SH3BP4: variants seen among roughly 807,000 people sequenced by gnomAD.
SH3BP4 encodes the protein SH3 domain binding protein 4.
A neutral mutation model predicts 65.5 loss-of-function variants in SH3BP4; 33 were observed. The ratio of observed to expected loss-of-function variants is 0.50; its 90% CI spans 0.38 to 0.67. The LOEUF (loss-of-function observed/expected upper bound fraction) is 0.67, where lower values mean the gene tolerates loss of function less well. Ranked by LOEUF, SH3BP4 falls within the 30% of genes least tolerant of loss-of-function variation. SH3BP4 has a pLI of 0.00. For missense variants in SH3BP4, 1,134 were observed against 1,261.4 expected (o/e 0.90, Z 1.53); for synonymous variants, 552 against 545.5 (o/e 1.01, Z -0.17).
intron 1 of SH3BP4, among the ~76,000 whole-genome samples, chr2:234,957,920 G>C (rs1275863537): frequency 6.6e-6 from 1 of 152,146 alleles, no homozygotes; most frequent in African/African-American, 2.4e-5. Flanking sequence ...GCTAGGAGAG[G>C]CAGGCGGAGC....
intron 2 of SH3BP4, among the ~76,000 whole-genome samples, chr2:235,006,166 C>T (rs1468223475): frequency 4.6e-5 from 7 of 152,174 alleles, no homozygotes; most frequent in African/African-American, 1.4e-4. Context: ...TACGACCTAG[C>T]GAGCAGGACG....
At chr2:234,960,401 G>C (rs1692679490) in intron 1 of SH3BP4, among the ~76,000 whole-genome samples, 1 of 152,202 alleles carries the variant, frequency 6.6e-6, no homozygotes, top group African/African-American at 2.4e-5. Flanking sequence ...AGCAGCCATT[G>C]GTTCTCTCCT....
rs1316635176 is a variant in SH3BP4 at position 235,030,689 on chromosome 2, A to G, written c.-132-4182A>G. ...GATTCTGCTGTAGGAAAGAGGACAGAGCTGACATCCCAGTGAGGAGCACAC... is the reference window on the plus strand; with the variant it reads ...GATTCTGCTGTAGGAAAGAGGACAGGGCTGACATCCCAGTGAGGAGCACAC... On this transcript the variant is annotated intron_variant, in intron 2 of 5. Coordinates refer to ENST00000392011, the MANE Select transcript of SH3BP4 (RefSeq NM_014521.3). This position sits in a 1 kb window ranked among gnomAD's most constrained non-coding sequence, Gnocchi z 4.1. 6.6e-6 allele frequency among the ~76,000 whole-genome samples: 1 copy of G among 151,986 alleles called. No individual in the cohort carries two copies. The highest frequency in any genetic ancestry group is 1.9e-4 in the East Asian group (1 of 5,164).
In SH3BP4 at chr2:235,030,449, G is replaced by A. The variant is rs1400646639; in HGVS notation, c.-132-4422G>A. 6.6e-6 allele frequency among the ~76,000 whole-genome samples: 1 copy of A among 152,220 alleles called. No homozygotes were observed. The highest frequency in any genetic ancestry group is 2.4e-5 in the African/African-American group (1 of 41,460). The stretch of plus-strand genomic sequence containing the variant: ...GCTGCCTAGGGCCCTTGAGGACGCA[G>A]TGGGATGGTGCCTGGTGGAGCTATG... On this transcript the variant is annotated intron_variant, in intron 2 of 5. Transcript: ENST00000392011. The surrounding 1 kb of genome is among the most constrained non-coding windows in gnomAD (Gnocchi z 4.1).
At position 235,041,653 on chromosome 2, in the gene SH3BP4, G is replaced by A. The variant is rs1429828057; in HGVS notation, c.884G>A (p.Arg295Gln). The A allele has an allele frequency of 4.3e-6, 7 of 1,613,766 alleles. No homozygotes were observed. The highest frequency in any genetic ancestry group is 2.7e-5 in the African/African-American group (2 of 74,930). The change falls in exon 4 of 6, where the codon CGG becomes CAG. Residue 295 changes from arginine to glutamine, a missense_variant. By Grantham distance (43) the Arg-to-Gln change is conservative. Transcript: ENST00000392011. This position sits in a 1 kb window ranked among gnomAD's most constrained non-coding sequence, Gnocchi z 6.0. ...TAWLNHRKLA[R>Q]SCHDLDLLGQ... is the part of the protein sequence containing the mutation. ...TGGCTAAACCACAGGAAGCTGGCCC[G>A]GTCTTGCCACGACCTGGACTTGCTT... is the stretch of plus-strand genomic sequence containing the variant.
chr2:234,981,553 G>C (rs767015394), intron 1 of SH3BP4: 1 of 152,216 alleles, frequency 6.6e-6, no homozygotes, highest in Admixed American at 6.5e-5. Context: ...TTTGCCCAGC[G>C]TGTTTAGAAG....
At chr2:234,970,593 A>G (rs1027732097) in intron 1 of SH3BP4, among the ~76,000 whole-genome samples, 2 of 152,224 alleles carry the variant, frequency 1.3e-5, no homozygotes, top group Non-Finnish European at 2.9e-5. Flanking sequence ...AGTCATTCCA[A>G]ACATTACAGA....
At chr2:235,048,269 G>A (rs1695937889) in intron 4 of SH3BP4, among the ~76,000 whole-genome samples, 2 of 152,178 alleles carry the variant, frequency 1.3e-5, no homozygotes, top group South Asian at 2.1e-4. Context: ...AAGGAAGCAG[G>A]ATGGAATAAA....
chr2:235,010,074 C>A (rs1157012581), intron 2 of SH3BP4, among the ~76,000 whole-genome samples: 1 of 152,030 alleles, frequency 6.6e-6, no homozygotes, highest in Non-Finnish European at 1.5e-5. Context: ...TCCCCGGGAT[C>A]CCCCAAACTA....
chr2:235,035,246 A>G lies in SH3BP4; in HGVS notation c.118+126A>G. On this transcript the variant is annotated intron_variant, in intron 3 of 5. Coordinates refer to ENST00000392011, the MANE Select transcript of SH3BP4 (RefSeq NM_014521.3). The surrounding 1 kb of genome is among the most constrained non-coding windows in gnomAD (Gnocchi z 5.0). ...TCAGATAGTTAAAGTTTAGTTCTTT[A>G]AACTTCATCATGGTAATAGATTTAG... 1 of 760,330 alleles carries G rather than the reference A, an allele frequency of 1.3e-6. No homozygotes were observed. The highest frequency in any genetic ancestry group is 1.5e-5 in the South Asian group (1 of 66,342). 47.1% of individuals were successfully genotyped at this position (760,330 alleles called of 1,614,324 possible). A position where few individuals can be genotyped will look rare whatever the true frequency, so the allele number is the denominator to read the frequency against.
chr2:234,955,767 G>GGT (rs1269714822), intron 1 of SH3BP4, among the ~76,000 whole-genome samples: 1 of 152,172 alleles, frequency 6.6e-6, no homozygotes, highest in African/African-American at 2.4e-5. Context: ...GATGGAAATA[G>GGT]GTACCACTCG....
chr2:235,014,596 C>A (rs963247702), intron 2 of SH3BP4, among the ~76,000 whole-genome samples: 1 of 152,154 alleles, frequency 6.6e-6, no homozygotes, highest in Non-Finnish European at 1.5e-5. Flanking sequence ...AGCTGTTCCT[C>A]CCGAGGCTGT....
In SH3BP4 at chr2:235,025,362, C is replaced by T. The variant is rs569292088; in HGVS notation, c.-132-9509C>T. Among the ~76,000 whole-genome samples, 14 of 152,240 alleles carry T rather than the reference C, an allele frequency of 9.2e-5. No homozygotes were observed. The South Asian group carries it at 2.7e-3, about 29-fold the overall frequency. On this transcript the variant is annotated intron_variant, in intron 2 of 5. Transcript: ENST00000392011. The stretch of plus-strand genomic sequence containing the variant: ...CCACACCCAGAAGACATGGTGGGGG[C>T]CCCCACCCCTCTCCTGTGGCATTGG...
intron 2 of SH3BP4, among the ~76,000 whole-genome samples, chr2:235,017,018 T>C (rs984784236): frequency 6.7e-5 from 10 of 149,762 alleles, no homozygotes; most frequent in African/African-American, 2.5e-4. Context: ...AGATCTCACT[T>C]TCGGCAGCGA....
intron 1 of SH3BP4, among the ~76,000 whole-genome samples, chr2:234,973,928 C>T (rs985276872): frequency 6.6e-6 from 1 of 152,162 alleles, no homozygotes; most frequent in Non-Finnish European, 1.5e-5. Flanking sequence ...AGCCACTGCA[C>T]CTGGCCAAGC....
At chr2:235,000,935 C>G (rs1694078334) in intron 2 of SH3BP4, among the ~76,000 whole-genome samples, 2 of 152,224 alleles carry the variant, frequency 1.3e-5, no homozygotes, top group Non-Finnish European at 2.9e-5. Flanking sequence ...TCTTTCCTTC[C>G]CCCAGGCAGC....
At chr2:235,023,590 A>G (rs1055877125) in intron 2 of SH3BP4, among the ~76,000 whole-genome samples, 17 of 152,124 alleles carry the variant, frequency 1.1e-4, no homozygotes, top group Non-Finnish European at 2.5e-4. Context: ...TTCATTTTAT[A>G]AAAAGCGTTT....
intron 2 of SH3BP4, among the ~76,000 whole-genome samples, chr2:235,002,769 G>A (rs773021350): frequency 6.6e-6 from 1 of 152,180 alleles, no homozygotes; most frequent in Non-Finnish European, 1.5e-5. Context: ...CATTTGGCAG[G>A]GATGGACCCC....
chr2:235,004,686 C>T (rs1041831551), intron 2 of SH3BP4, among the ~76,000 whole-genome samples: 2 of 152,302 alleles, frequency 1.3e-5, no homozygotes, highest in South Asian at 2.1e-4. Flanking sequence ...GGTTCATCCA[C>T]GTGGCAGCAT....
Sources: gnomAD v4.1 joint callset for allele counts (sites outside exome capture counted in the v4.1 genomes callset) on GRCh38, gnomAD v4.1.1 for gene constraint, Gnocchi (gnomAD v3.1) non-coding constraint, MANE v1.5 for transcripts, NCBI Gene and HGNC (gene_info 2026-07-23, HGNC 2026-07-21) for gene names.